Variants in NDUFAF6 observed in about 807,000 individuals in gnomAD.
The protein encoded by NDUFAF6 is NADH:ubiquinone oxidoreductase complex assembly factor 6, also known as NADH dehydrogenase (ubiquinone) complex I, assembly factor 6.
Under a neutral mutation model 40.8 loss-of-function variants are expected in NDUFAF6, and 45 were observed. The observed-to-expected ratio is 1.10, with a 90% CI of 0.87 to 1.42. NDUFAF6 has a LOEUF of 1.42. Among genes scored for constraint, NDUFAF6 ranks in the 40% most tolerant of loss-of-function variants. The pLI is 0.00. For missense variants in NDUFAF6, 435 were observed against 418.5 expected, an observed-to-expected ratio of 1.04 and a Z score of -0.34; for synonymous variants, 185 against 155.9, an observed-to-expected ratio of 1.19 and a Z score of -1.39.
chr8:94,969,931 G>A (rs186789932), intron 1 of NDUFAF6, among the ~76,000 whole-genome samples: 33 of 152,160 alleles, frequency 2.2e-4, no homozygotes, highest in African/African-American at 7.7e-4. Flanking sequence ...AAGAAAACTG[G>A]CACCATTAGC....
rs774914224 is a variant in NDUFAF6 at position 94,999,489 on chromosome 8, T to C, written c.-84+18516T>C. ...CTGGGTGCAGTGGTGCAATCTTGGCTCACTGCAACCTCCACCTCCTGGGTT... is the reference window on the plus strand; with the variant it reads ...CTGGGTGCAGTGGTGCAATCTTGGCCCACTGCAACCTCCACCTCCTGGGTT... On this transcript the variant is annotated intron_variant, in intron 2 of 9. Transcript: ENST00000396111. Among the ~76,000 whole-genome samples the C allele has an allele frequency of 9.2e-5, 14 of 151,984 alleles. No homozygotes were observed. The East Asian group carries it at 1.9e-3, about 21-fold the overall frequency.
At chr8:94,895,875 C>G (rs1341012450) in exon 1 of NDUFAF6, 2 of 153,758 alleles carry the variant, frequency 1.3e-5, no homozygotes, top group Non-Finnish European at 2.9e-5. Context: ...GAGCCCGCTC[C>G]GCCGGCCTTG....
At chr8:94,909,829 C>G (rs571640106) in intron 1 of NDUFAF6, among the ~76,000 whole-genome samples, 1 of 139,120 alleles carries the variant, frequency 7.2e-6, no homozygotes, top group Non-Finnish European at 1.6e-5. Flanking sequence ...CACACACACA[C>G]ATATATATAT....
chr8:94,902,145 G>A (rs887487664), intron 1 of NDUFAF6, among the ~76,000 whole-genome samples: 6 of 152,122 alleles, frequency 3.9e-5, no homozygotes, highest in South Asian at 2.1e-4. Flanking sequence ...TAGCCCGGGC[G>A]TGGTGGCTCC....
intron 1 of NDUFAF6, among the ~76,000 whole-genome samples, chr8:94,962,806 T>C (rs1425916050): frequency 7.4e-6 from 1 of 135,094 alleles, no homozygotes; most frequent in Non-Finnish European, 1.6e-5. Context: ...TTTTTTTTGT[T>C]TGGAGATGGA....
rs113557846 is a variant in NDUFAF6 at position 95,025,059 on chromosome 8, C to T, written c.51C>T (p.Ile17=). 2.0e-5 allele frequency: 29 copies of T among 1,429,578 alleles called. No homozygotes were observed. Among genetic ancestry groups the T allele is most frequent in the African/African-American group, 4.5e-5 (3 of 67,174 alleles). 88.6% of individuals were successfully genotyped at this position (1,429,578 alleles called of 1,614,324 possible). The change falls in exon 1 of 9, where the codon ATC becomes ATT. Residue 17 remains isoleucine (I), a synonymous_variant. Transcript: ENST00000396124. ...TCTGGGGGCCGTTGCGGCTTGGCAT[C>T]CCCGGCCTGTGCTGCCGCCGGCCGC... ...GSVWGPLRLG[I]PGLCCRRPPL...
chr8:95,099,645 C>T (rs1809590532), upstream of NDUFAF6, among the ~76,000 whole-genome samples: 1 of 152,080 alleles, frequency 6.6e-6, no homozygotes, highest in African/African-American at 2.4e-5. Flanking sequence ...TTCGCCTGCC[C>T]CTAGCAGAGA....
Position 94,922,316 on chromosome 8 carries a change from G to A in NDUFAF6, c.-935-23167G>A, listed in dbSNP as rs187317123. On this transcript the variant is annotated intron_variant, in intron 1 of 14. Transcript: ENST00000396113. The stretch of plus-strand genomic sequence containing the variant: ...TGAACCACCGAGTCCGGCCAAATCC[G>A]TGTTTCAATAAGCGCTGCAGGAAAT... 2.6e-3 allele frequency among the ~76,000 whole-genome samples: 390 copies of A among 151,468 alleles called. 5 individuals are homozygous for A. The highest frequency in any genetic ancestry group is 0.017 in the Middle Eastern group (5 of 294).
In NDUFAF6 at chr8:94,895,845, T is replaced by G. The variant is rs543609892; in HGVS notation, c.-1018T>G. The G allele has an allele frequency of 7.5e-3, 1,150 of 153,784 alleles. 13 individuals are homozygous for G. The highest frequency in any genetic ancestry group is 0.026 in the African/African-American group (1,090 of 41,522). 9.5% of individuals were successfully genotyped at this position (153,784 alleles called of 1,614,324 possible). On this transcript the variant is annotated 5_prime_UTR_variant, in exon 1 of 15. Coordinates refer to the NDUFAF6 transcript ENST00000396113. Reference sequence around the variant, plus strand: ...CCAAGTGCGGCTCTGCTCTCCCCAGTCCCGGTCCGCGACCACCCGGAGCCC... The same window carrying G: ...CCAAGTGCGGCTCTGCTCTCCCCAGGCCCGGTCCGCGACCACCCGGAGCCC...
At chr8:94,910,532 G>A (rs566700729) in intron 1 of NDUFAF6, among the ~76,000 whole-genome samples, 4 of 152,172 alleles carry the variant, frequency 2.6e-5, no homozygotes, top group Admixed American at 2.6e-4. Context: ...ACCTCCTCGT[G>A]TAGACCCTAG....
chr8:95,031,895 C>T (rs1828895433), intron 1 of NDUFAF6, 100 bp from the exon 2 acceptor site: 1 of 1,201,046 alleles, frequency 8.3e-7, no homozygotes, highest in Non-Finnish European at 1.2e-6. Flanking sequence ...GCTACCGCGC[C>T]CAACTTGAAG....
intron 2 of NDUFAF6, among the ~76,000 whole-genome samples, chr8:94,947,023 A>G (rs900708888): frequency 6.6e-6 from 1 of 152,212 alleles, no homozygotes; most frequent in Non-Finnish European, 1.5e-5. Context: ...TGCTTATTGT[A>G]TGTAACGGGG....
chr8:94,910,527 C>G (rs1289331972), intron 1 of NDUFAF6, among the ~76,000 whole-genome samples: 1 of 152,200 alleles, frequency 6.6e-6, no homozygotes, highest in Non-Finnish European at 1.5e-5. Context: ...CTGATACCTC[C>G]TCGTGTAGAC....
intron 1 of NDUFAF6, chr8:94,940,749 G>T: frequency 4.8e-6 from 5 of 1,043,810 alleles, no homozygotes; most frequent in Non-Finnish European, 5.7e-6. Flanking sequence ...CTCAGTTATT[G>T]GTTTCCTTAT....
At chr8:94,933,834 T>TG (rs572867137) in intron 1 of NDUFAF6, among the ~76,000 whole-genome samples, 30,057 of 58,488 alleles carry the variant, frequency 0.51, 9,407 homozygotes, top group East Asian at 0.73. Flanking sequence ...CAGCACTTTG[T>TG]GGGGGGGGGG....
chr8:95,088,192 G>C (rs961999983), intron 2 of NDUFAF6, among the ~76,000 whole-genome samples: 1 of 152,150 alleles, frequency 6.6e-6, no homozygotes, highest in Non-Finnish European at 1.5e-5. Context: ...GGCCACCTGG[G>C]CTCACAGCCT....
At chr8:94,981,636 TTA>T (rs1825448559) in intron 2 of NDUFAF6, among the ~76,000 whole-genome samples, 2 of 152,226 alleles carry the variant, frequency 1.3e-5, no homozygotes, top group South Asian at 4.2e-4. Context: ...ACAGGTAAAA[TTA>T]TGTTTTTAGA....
At chr8:94,958,515 T>G (rs1823273650) in intron 1 of NDUFAF6, among the ~76,000 whole-genome samples, 1 of 133,730 alleles carries the variant, frequency 7.5e-6, no homozygotes, top group South Asian at 2.4e-4. Flanking sequence ...CCACACATAG[T>G]CACATTCTTT....
At chr8:95,091,051 C>CATATATAT (rs74382918) in intron 2 of NDUFAF6, among the ~76,000 whole-genome samples, 981 of 44,280 alleles carry the variant, frequency 0.022, 7 homozygotes, top group African/African-American at 0.11. Flanking sequence ...TTAATAAACT[C>CATATATAT]ATATATATAT....
Sources: allele counts gnomAD v4.1 joint callset (sites outside exome capture counted in the v4.1 genomes callset), GRCh38; gene constraint gnomAD v4.1.1; transcripts MANE v1.5; gene names NCBI Gene and HGNC (gene_info 2026-07-23, HGNC 2026-07-21).